The following NKX2-2 variants were observed in gnomAD, a reference collection of about 807,000 sequenced individuals.
The protein encoded by NKX2-2 is homeobox protein Nkx-2.2.
NKX2-2 carries 8 observed loss-of-function variants against 24.6 expected under a neutral mutation model. The ratio of observed to expected loss-of-function variants is 0.32; its 90% confidence interval spans 0.19 to 0.59. The LOEUF is 0.59. NKX2-2 is among the 20% of genes least tolerant of loss of function. The pLI is 0.86. For synonymous variants in NKX2-2, 217 were observed against 173.3 expected, an observed-to-expected ratio of 1.25 and a Z score of -1.98; for missense variants, 381 against 373.9, an observed-to-expected ratio of 1.02 and a Z score of -0.16.
chr20:21,515,385 G>T (rs1418855898), upstream of NKX2-2, among the ~76,000 whole-genome samples: 1 of 152,072 alleles, frequency 6.6e-6, no homozygotes, highest in Non-Finnish European at 1.5e-5. Flanking sequence ...CTTCTCCCAC[G>T]CGAGTTCTTT....
In NKX2-2 at chr20:21,513,917, T is replaced by C. The variant is rs1980536996; in HGVS notation, c.-248A>G. The C allele has an allele frequency of 3.5e-6, 1 of 289,348 alleles. No individual in the cohort carries two copies. The highest frequency in any genetic ancestry group is 6.3e-6 in the Non-Finnish European group (1 of 158,242). 17.9% of individuals were successfully genotyped at this position (289,348 alleles called of 1,614,324 possible). The stretch of plus-strand genomic sequence containing the variant: ...TGTCTTCTTTGAAAGCACGCGGAAA[T>C]GGACGCAGGAAGCCGGGCGGCCTGC... On this transcript the variant is annotated 5_prime_UTR_variant, in exon 1 of 2. Coordinates refer to ENST00000377142, the MANE Select transcript of NKX2-2 (RefSeq NM_002509.4). This position sits in a 1 kb window ranked among gnomAD's most constrained non-coding sequence, Gnocchi z 4.6.
upstream of NKX2-2, among the ~76,000 whole-genome samples, chr20:21,517,268 A>C (rs1346734999): frequency 1.3e-5 from 2 of 152,006 alleles, no homozygotes; most frequent in South Asian, 4.2e-4. Context: ...CGCCTCCTGG[A>C]CTCCGGCCCC....
At chr20:21,517,922 G>A (rs537491653), upstream of NKX2-2, among the ~76,000 whole-genome samples, 1 of 152,244 alleles carries the variant, frequency 6.6e-6, no homozygotes, top group South Asian at 2.1e-4. Flanking sequence ...CTTCAGTAAG[G>A]GCCCACCACT....
chr20:21,519,065 T>A, the NKX2-2 span, among the ~76,000 whole-genome samples: 1 of 152,166 alleles, frequency 6.6e-6, no homozygotes, highest in Non-Finnish European at 1.5e-5. Flanking sequence ...GGGGGCGACC[T>A]TGAGGAGCCC....
the NKX2-2 span, among the ~76,000 whole-genome samples, chr20:21,522,471 C>T: frequency 3.9e-5 from 6 of 152,116 alleles, no homozygotes; most frequent in East Asian, 9.6e-4. Context: ...CCATCGCCAC[C>T]GCCGGGCTCC....
chr20:21,513,844 A>C lies in NKX2-2; in HGVS notation c.-175T>G. On this transcript the variant is annotated 5_prime_UTR_variant, in exon 1 of 2. Coordinates refer to ENST00000377142, the MANE Select transcript of NKX2-2 (RefSeq NM_002509.4). The surrounding 1 kb of genome is among the most constrained non-coding windows in gnomAD (Gnocchi z 4.6). Reference sequence around the variant, plus strand: ...TTATTATTTTTAAAAAGAGAAAGAAACTGGGGATGGGGAGGAAAAAAATGA... The same window carrying C: ...TTATTATTTTTAAAAAGAGAAAGAACCTGGGGATGGGGAGGAAAAAAATGA... The C allele has an allele frequency of 1.0e-5, 5 of 483,204 alleles. No individual in the cohort carries two copies. The highest frequency in any genetic ancestry group is 1.4e-5 in the Non-Finnish European group (4 of 286,818). 29.9% of individuals were successfully genotyped at this position (483,204 alleles called of 1,614,324 possible). A position where few individuals can be genotyped will look rare whatever the true frequency, so the allele number is the denominator to read the frequency against.
At chr20:21,517,452 A>C (rs1270569124), upstream of NKX2-2, among the ~76,000 whole-genome samples, 1 of 151,870 alleles carries the variant, frequency 6.6e-6, no homozygotes, top group East Asian at 1.9e-4. Context: ...TTTCCCCATC[A>C]CTTCTCGTCC....
chr20:21,511,133 GC>G lies in NKX2-2; in HGVS notation c.*789del, dbSNP rs1980410647. On this transcript the variant is annotated 3_prime_UTR_variant, in exon 2 of 2. Coordinates refer to ENST00000377142, the MANE Select transcript of NKX2-2 (RefSeq NM_002509.4). Reference sequence around the variant, plus strand: ...CGAATAGCTGAGCTCCAAGTTCGGGGCTGAAGGCCCGGAGGACAGGGCAGAG... The same window carrying G: ...CGAATAGCTGAGCTCCAAGTTCGGGGTGAAGGCCCGGAGGACAGGGCAGAG... 1 of 152,674 alleles carries G rather than the reference GC, an allele frequency of 6.5e-6. No homozygotes were observed. The highest frequency in any genetic ancestry group is 1.9e-4 in the East Asian group (1 of 5,198). The allele number at this position is 152,674 out of a possible 1,614,324, so 9.5% of individuals were successfully genotyped here.
chr20:21,522,007 C>T, the NKX2-2 span, among the ~76,000 whole-genome samples: 25 of 152,356 alleles, frequency 1.6e-4, no homozygotes, highest in African/African-American at 6.0e-4. Context: ...CCTCCCAGCC[C>T]CGCACCTTCC....
upstream of NKX2-2, among the ~76,000 whole-genome samples, chr20:21,518,296 C>T (rs1182085083): frequency 6.6e-6 from 1 of 151,728 alleles, no homozygotes; most frequent in East Asian, 1.9e-4. Flanking sequence ...TCTTTATTAT[C>T]AGCATTGGGG....
upstream of NKX2-2, among the ~76,000 whole-genome samples, chr20:21,514,836 C>A (rs1184943912): frequency 2.0e-5 from 3 of 152,178 alleles, no homozygotes; most frequent in Non-Finnish European, 2.9e-5. Context: ...TCCAGTTAAC[C>A]GCGAGAGAGC....
At position 21,512,118 on chromosome 20, in the gene NKX2-2, G is replaced by C. The variant is rs754196742; in HGVS notation, c.627C>G (p.Val209=). The part of the protein sequence containing the change: ...SPRRVAVPVL[V]RDGKPCHALK... The stretch of plus-strand genomic sequence containing the variant: ...GCGCGTGACATGGTTTGCCGTCCCT[G>C]ACCAAGACGGGCACGGCCACCCGGC... Residue 209 remains valine, a synonymous_variant, in exon 2 of 2, where the codon GTC becomes GTG. Transcript: ENST00000377142. 7 of 1,613,638 alleles carry C rather than the reference G, an allele frequency of 4.3e-6. No individual in the cohort carries two copies. Among genetic ancestry groups the C allele is most frequent in the African/African-American group, 1.3e-5 (1 of 74,932 alleles).
intron 1 of NKX2-2, 71 bp from the exon 2 acceptor site, chr20:21,512,556 C>A (rs917132619): frequency 8.4e-6 from 10 of 1,192,468 alleles, no homozygotes; most frequent in Middle Eastern, 2.9e-4. Flanking sequence ...AGACTCGGAG[C>A]ACCCTGGATC....
chr20:21,512,723 C>A (rs2122542114), intron 1 of NKX2-2, among the ~76,000 whole-genome samples: 1 of 152,074 alleles, frequency 6.6e-6, no homozygotes, highest in Non-Finnish European at 1.5e-5. Context: ...TTTCAAGGGG[C>A]TCACATAGTG....
At chr20:21,521,963 C>T in the NKX2-2 span, among the ~76,000 whole-genome samples, 1 of 152,216 alleles carries the variant, frequency 6.6e-6, no homozygotes, top group Admixed American at 6.5e-5. Flanking sequence ...AGGCGGGGAC[C>T]GCCGCGGGTG....
upstream of NKX2-2, among the ~76,000 whole-genome samples, chr20:21,514,387 A>G (rs1980559867): frequency 6.6e-6 from 1 of 150,714 alleles, no homozygotes; most frequent in Admixed American, 6.6e-5. Context: ...TTAATTGCAA[A>G]GACGGGGCGA....
upstream of NKX2-2, among the ~76,000 whole-genome samples, chr20:21,515,277 G>A (rs1005049626): frequency 5.3e-5 from 8 of 151,680 alleles, no homozygotes; most frequent in Admixed American, 2.6e-4. Context: ...GGGGGTGGGG[G>A]TGGGGGTTGT....
In NKX2-2 at chr20:21,511,799, A is replaced by G; in HGVS notation, c.*124T>C. On this transcript the variant is annotated 3_prime_UTR_variant, in exon 2 of 2. Coordinates refer to ENST00000377142, the MANE Select transcript of NKX2-2 (RefSeq NM_002509.4). ...GCCTCCCTAGTGGAGCCGAGAGTCAACTCGACTCCATAATAATAATTATAA... is the reference window on the plus strand; with the variant it reads ...GCCTCCCTAGTGGAGCCGAGAGTCAGCTCGACTCCATAATAATAATTATAA... 1 of 745,148 alleles carries G rather than the reference A, an allele frequency of 1.3e-6. No homozygotes were observed. Among genetic ancestry groups the G allele is most frequent in the African/African-American group, 1.8e-5 (1 of 55,540 alleles). 46.2% of individuals were successfully genotyped at this position (745,148 alleles called of 1,614,324 possible). A position where few individuals can be genotyped will look rare whatever the true frequency, so the allele number is the denominator to read the frequency against.
Position 21,513,935 on chromosome 20 carries a change from C to A in NKX2-2, c.-266G>T. On this transcript the variant is annotated 5_prime_UTR_variant, in exon 1 of 2. Transcript: ENST00000377142. This position sits in a 1 kb window ranked among gnomAD's most constrained non-coding sequence, Gnocchi z 4.6. Reference sequence around the variant, plus strand: ...GCGGAAATGGACGCAGGAAGCCGGGCGGCCTGCGCGCCGAGCGCCGCGGGC... The same window carrying A: ...GCGGAAATGGACGCAGGAAGCCGGGAGGCCTGCGCGCCGAGCGCCGCGGGC... 2 of 259,360 alleles carry A rather than the reference C, an allele frequency of 7.7e-6. No individual in the cohort carries two copies. The highest frequency in any genetic ancestry group is 1.4e-5 in the Non-Finnish European group (2 of 138,492). The allele number at this position is 259,360 out of a possible 1,614,324, so 16.1% of individuals were successfully genotyped here.
Sources: allele counts gnomAD v4.1 joint callset (sites outside exome capture counted in the v4.1 genomes callset), GRCh38; gene constraint gnomAD v4.1.1; non-coding constraint Gnocchi (gnomAD v3.1); transcripts MANE v1.5; gene names NCBI Gene and HGNC (gene_info 2026-07-23, HGNC 2026-07-21).